Variants in KCNMB2 observed in about 807,000 individuals in gnomAD.
KCNMB2 encodes potassium calcium-activated channel subfamily M regulatory beta subunit 2.
KCNMB2 carries 9 observed loss-of-function variants against 24.5 expected under a neutral mutation model. The ratio of observed to expected loss-of-function variants is 0.37; its 90% CI spans 0.22 to 0.64. KCNMB2 has a LOEUF of 0.64. Ranked by LOEUF, KCNMB2 falls within the 30% of genes least tolerant of loss-of-function variation. The pLI, the probability that KCNMB2 is intolerant of heterozygous loss-of-function variation, is 0.63. For missense variants in KCNMB2, 226 were observed against 284.3 expected (o/e 0.79, Z 1.47); for synonymous variants, 109 against 104.4 (o/e 1.04, Z -0.27).
At chr3:178,566,368 G>A (rs536883407) in intron 1 of KCNMB2, among the ~76,000 whole-genome samples, 12 of 152,106 alleles carry the variant, frequency 7.9e-5, no homozygotes, top group Admixed American at 4.6e-4. Context: ...AAAGTTCATT[G>A]GTCTCAGCAC....
intron 1 of KCNMB2, among the ~76,000 whole-genome samples, chr3:178,656,402 A>G (rs1720344749): frequency 1.3e-5 from 2 of 152,208 alleles, no homozygotes; most frequent in South Asian, 4.1e-4. Flanking sequence ...GAATAATGAT[A>G]TTATAGCATA....
At chr3:178,641,702 G>A (rs1401669274) in intron 1 of KCNMB2, among the ~76,000 whole-genome samples, 1 of 152,002 alleles carries the variant, frequency 6.6e-6, no homozygotes, top group Non-Finnish European at 1.5e-5. Flanking sequence ...TTGGTACAAT[G>A]TTGAACAGAA....
chr3:178,800,729 C>T (rs918641933), intron 1 of KCNMB2, among the ~76,000 whole-genome samples: 3 of 152,086 alleles, frequency 2.0e-5, no homozygotes, highest in African/African-American at 7.2e-5. Context: ...TGTACTACCA[C>T]GTTTGTTGCA....
chr3:178,798,794 A>ATTAC (rs1713656991), intron 1 of KCNMB2, among the ~76,000 whole-genome samples: 1 of 152,056 alleles, frequency 6.6e-6, no homozygotes, highest in Admixed American at 6.6e-5. Flanking sequence ...TTACTAGGTG[A>ATTAC]TGGGTTGATA....
At chr3:178,617,911 AC>A (rs1259059939) in intron 1 of KCNMB2, among the ~76,000 whole-genome samples, 3 of 140,508 alleles carry the variant, frequency 2.1e-5, no homozygotes, top group African/African-American at 5.5e-5. Flanking sequence ...AAAAAAAAAA[AC>A]CCAACACTCA....
intron 1 of KCNMB2, among the ~76,000 whole-genome samples, chr3:178,552,201 T>C (rs746196580): frequency 7.9e-5 from 12 of 152,186 alleles, no homozygotes; most frequent in Non-Finnish European, 1.5e-5. Flanking sequence ...CGATTCTAAA[T>C]GTCGACTGTG....
chr3:178,670,656 C>G (rs1158087978), intron 1 of KCNMB2, among the ~76,000 whole-genome samples: 2 of 152,128 alleles, frequency 1.3e-5, no homozygotes, highest in Non-Finnish European at 2.9e-5. Context: ...AACTGAGGCT[C>G]AAGTCATTCA....
chr3:178,652,718 A>T (rs994684731), intron 1 of KCNMB2, among the ~76,000 whole-genome samples: 4 of 146,890 alleles, frequency 2.7e-5, no homozygotes, highest in Non-Finnish European at 5.9e-5. Context: ...GCTGGAGTGC[A>T]ATGGTGCAAT....
Position 178,761,573 on chromosome 3 carries a change from C to T in KCNMB2, c.-67-45770C>T, listed in dbSNP as rs115579391. 8.9e-3 allele frequency among the ~76,000 whole-genome samples: 1,361 copies of T among 152,186 alleles called. 21 individuals carry two copies. The highest frequency in any genetic ancestry group is 0.03 in the African/African-American group (1,252 of 41,520). On this transcript the variant is annotated intron_variant, in intron 1 of 4. Coordinates refer to ENST00000452583, the MANE Select transcript of KCNMB2 (RefSeq NM_181361.3). ...AAGATGGCTTGTCATTTTGCCTTTT[C>T]GTGCCCAATATAGATCAACTGTGCC...
chr3:178,679,987 G>A (rs988934521), intron 1 of KCNMB2, among the ~76,000 whole-genome samples: 6 of 151,980 alleles, frequency 3.9e-5, no homozygotes, highest in Admixed American at 2.0e-4. Context: ...AGCAGTTGGA[G>A]GACAGCATAG....
At chr3:178,588,008 C>A (rs191775110) in intron 1 of KCNMB2, among the ~76,000 whole-genome samples, 1 of 150,776 alleles carries the variant, frequency 6.6e-6, no homozygotes, top group Non-Finnish European at 1.5e-5. Flanking sequence ...TCTGTCCTTG[C>A]GACAGTCTGC....
At position 178,726,873 on chromosome 3, in the gene KCNMB2, A is replaced by T. The variant is rs182698960; in HGVS notation, c.-67-80470A>T. Among the ~76,000 whole-genome samples, 899 of 152,100 alleles carry T rather than the reference A, an allele frequency of 5.9e-3. 9 individuals carry two copies. The highest frequency in any genetic ancestry group is 0.021 in the African/African-American group (869 of 41,522). On this transcript the variant is annotated intron_variant, in intron 1 of 4. Transcript: ENST00000452583. ...TTTTATTAATTTGTCTTTCTCCCAT[A>T]ATTTATTGAAAAGATATATTGTCTC...
intron 1 of KCNMB2, among the ~76,000 whole-genome samples, chr3:178,706,630 C>A (rs1419061445): frequency 6.6e-6 from 1 of 152,116 alleles, no homozygotes; most frequent in Non-Finnish European, 1.5e-5. Context: ...AGTTTGTAAT[C>A]CCTCTGCCAG....
rs1713725684 is a variant in KCNMB2 at position 178,800,320 on chromosome 3, C to G, written c.-67-7023C>G. On this transcript the variant is annotated intron_variant, in intron 1 of 4. Transcript: ENST00000452583. ...AACCAGAATATGTAAGGAGCTCAAACAAATCTATAGGAAAAAAATCTAATA... is the reference window on the plus strand; with the variant it reads ...AACCAGAATATGTAAGGAGCTCAAAGAAATCTATAGGAAAAAAATCTAATA... Among the ~76,000 whole-genome samples the G allele has an allele frequency of 2.6e-5, 4 of 152,108 alleles. No individual in the cohort carries two copies. In the South Asian group the frequency reaches 8.3e-4, roughly 32 times the overall value.
rs7647224 is a variant in KCNMB2, at chr3:178,731,946, C to T, written c.-67-75397C>T. Reference sequence around the variant, plus strand: ...CTGATTAAGCCTGTAGATCTAACTACGAATATACAGGAAGTACAGGGGACA... The same window carrying T: ...CTGATTAAGCCTGTAGATCTAACTATGAATATACAGGAAGTACAGGGGACA... On this transcript the variant is annotated intron_variant, in intron 1 of 4. Transcript: ENST00000452583. 6.7e-3 allele frequency among the ~76,000 whole-genome samples: 1,018 copies of T among 152,084 alleles called. 17 individuals carry two copies. Among genetic ancestry groups the T allele is most frequent in the African/African-American group, 0.023 (958 of 41,466 alleles).
chr3:178,590,545 T>C (rs1025380096), intron 1 of KCNMB2, among the ~76,000 whole-genome samples: 9 of 152,222 alleles, frequency 5.9e-5, no homozygotes, highest in African/African-American at 1.9e-4. Flanking sequence ...TTGGAAATAA[T>C]AATAGCTGAC....
At chr3:178,655,002 G>A (rs913193200) in intron 1 of KCNMB2, among the ~76,000 whole-genome samples, 2 of 151,434 alleles carry the variant, frequency 1.3e-5, no homozygotes, top group Non-Finnish European at 2.9e-5. Context: ...TAAGGTTAGT[G>A]GTTTCTACCT....
At chr3:178,796,883 A>C (rs771936478) in intron 1 of KCNMB2, among the ~76,000 whole-genome samples, 5 of 152,010 alleles carry the variant, frequency 3.3e-5, no homozygotes, top group Non-Finnish European at 7.4e-5. Flanking sequence ...TAATAAAAGA[A>C]AAGACATAAC....
chr3:178,571,447 GATATATAT>G (rs71181237), intron 1 of KCNMB2, among the ~76,000 whole-genome samples: 5,720 of 91,006 alleles, frequency 0.063, 233 homozygotes, highest in Middle Eastern at 0.12. Context: ...TTTCCTTATG[GATATATAT>G]ATATATATAT....
Sources: allele counts gnomAD v4.1 joint callset (sites outside exome capture counted in the v4.1 genomes callset), GRCh38; gene constraint gnomAD v4.1.1; transcripts MANE v1.5; gene names NCBI Gene and HGNC (gene_info 2026-07-23, HGNC 2026-07-21).